IZUMO3: variants seen among roughly 807,000 people sequenced by gnomAD.
IZUMO3 encodes the protein izumo sperm-egg fusion protein 3.
IZUMO3 carries 36 observed loss-of-function variants against 28.4 expected under a neutral mutation model. The observed-to-expected ratio is 1.27, with a 90% confidence interval of 0.97 to 1.67. The LOEUF is 1.67. Ranked by LOEUF, IZUMO3 falls within the 40% of genes most tolerant of loss-of-function variation. The probability of loss-of-function intolerance (pLI) is 0.00; values close to 1 mark genes in which losing one functional copy is unlikely to be tolerated. For synonymous variants in IZUMO3, 126 were observed against 99.2 expected (o/e 1.27, Z -1.61); for missense variants, 387 against 278.5 (o/e 1.39, Z -2.77).
Position 24,545,611 on chromosome 9 carries a change from TGA to T in IZUMO3, c.37_38del (p.Ala14LeufsTer11), listed in dbSNP as rs1311550729. The T allele has an allele frequency of 6.5e-6, 10 of 1,535,354 alleles. No individual in the cohort carries two copies. In the South Asian group the frequency reaches 8.3e-5, roughly 13 times the overall value. ...AACAGCCTTTGACTCCATGGAAGGC[TGA>T]GAGGGGCAGGAGCAGGAATAACCAC... ...DLWLFLLLPL[S>X]AFHGVKGCLE... On this transcript the variant is annotated frameshift_variant, in exon 1 of 7. Transcript: ENST00000543880. LOFTEE classifies it high-confidence loss of function.
chr9:24,545,229 C>G lies in IZUMO3; in HGVS notation c.284G>C (p.Gly95Ala), dbSNP rs1225040373. The change falls in exon 2 of 7, where the codon GGC becomes GCC. Residue 95 changes from glycine to alanine, a missense_variant. Physicochemically the swap from Gly to Ala is moderately conservative, Grantham distance 60. Transcript: ENST00000543880. ...TWLKNEFYKL[G>A]NETWKGVFIY... ...TACCTCACCTTTCCATGTTTCATTG[C>G]CCAGTTTATAAAATTCATTCTTCAA... 2 of 1,549,910 alleles carry G rather than the reference C, an allele frequency of 1.3e-6. No homozygotes were observed. Among genetic ancestry groups the G allele is most frequent in the African/African-American group, 2.7e-5 (2 of 72,988 alleles).
rs751827330 is a variant in IZUMO3, at chr9:24,545,855, T to C, written c.-206A>G. ...GTTTACTGACTATTATCCTTCATTC[T>C]AGGAGAGGGAACTGCCAGCTGGGGA... On this transcript the variant is annotated 5_prime_UTR_variant, in exon 1 of 7. Coordinates refer to ENST00000543880, the MANE Select transcript of IZUMO3 (RefSeq NM_001365008.2). 2.0e-6 allele frequency: 3 copies of C among 1,528,308 alleles called. No individual in the cohort carries two copies. Among genetic ancestry groups the C allele is most frequent in the South Asian group, 2.4e-5 (2 of 82,982 alleles). 94.7% of individuals were successfully genotyped at this position (1,528,308 alleles called of 1,614,324 possible).
chr9:24,545,184 A>G, intron 2 of IZUMO3, 28 bp downstream of exon 2: 1 of 1,541,670 alleles, frequency 6.5e-7, no homozygotes, highest in Non-Finnish European at 8.8e-7. Flanking sequence ...GAGCAATACA[A>G]ACTTTTAACA....
At position 24,542,989 on chromosome 9, in the gene IZUMO3, T is replaced by C; in HGVS notation, c.*240A>G. 1 of 346,010 alleles carries C rather than the reference T, an allele frequency of 2.9e-6. No individual in the cohort carries two copies. The highest frequency in any genetic ancestry group is 5.2e-6 in the Non-Finnish European group (1 of 193,744). The allele number at this position is 346,010 out of a possible 1,614,324, so 21.4% of individuals were successfully genotyped here. A position where few individuals can be genotyped will look rare whatever the true frequency, so the allele number is the denominator to read the frequency against. ...TTATTACTATCCAGCATATTATCTTTCCTGTGCATTGCAACATACCAGCAT... is the reference window on the plus strand; with the variant it reads ...TTATTACTATCCAGCATATTATCTTCCCTGTGCATTGCAACATACCAGCAT... On this transcript the variant is annotated 3_prime_UTR_variant, in exon 7 of 7. Transcript: ENST00000543880.
At position 24,545,642 on chromosome 9, in the gene IZUMO3, T is replaced by TCACC. The variant is rs906894755; in HGVS notation, c.4_7dup (p.Asp3GlyfsTer2). 1.0e-5 allele frequency: 16 copies of TCACC among 1,534,938 alleles called. No individual in the cohort carries two copies. The highest frequency in any genetic ancestry group is 3.4e-4 in the Middle Eastern group (2 of 5,854). On this transcript the variant is annotated stop_gained and frameshift_variant, in exon 1 of 7. Coordinates refer to ENST00000543880, the MANE Select transcript of IZUMO3 (RefSeq NM_001365008.2). LOFTEE classifies it high-confidence loss of function. ...GGGCAGGAGCAGGAATAACCACAGG[T>TCACC]CACCCATTTCTTTCTTCACCCCCGC...
Position 24,545,494 on chromosome 9 carries a change from T to C in IZUMO3, c.156A>G (p.Glu52=), listed in dbSNP as rs1282911222. 6.5e-7 allele frequency: 1 copy of C among 1,535,490 alleles called. No homozygotes were observed. The highest frequency in any genetic ancestry group is 8.7e-7 in the Non-Finnish European group (1 of 1,146,698). The change falls in exon 1 of 7, where the codon GAA becomes GAG. Residue 52 remains glutamate (E), a synonymous_variant. Coordinates refer to ENST00000543880, the MANE Select transcript of IZUMO3 (RefSeq NM_001365008.2). The part of the protein sequence containing the change: ...SEVPGRTQLL[E]RQIKEMIHLS... ...AATGAATCATCTCCTTAATCTGCCG[T>C]TCAAGCAGCTGAGTTCGGCCGGGGA...
At chr9:24,545,181 A>G (rs1819562306) in intron 2 of IZUMO3, 31 bp downstream of exon 2, 1 of 1,538,720 alleles carries the variant, frequency 6.5e-7, no homozygotes, top group Non-Finnish European at 8.8e-7. Flanking sequence ...CTTGAGCAAT[A>G]CAAACTTTTA....
chr9:24,545,701 A>G lies in IZUMO3; in HGVS notation c.-52T>C. 1 of 1,534,174 alleles carries G rather than the reference A, an allele frequency of 6.5e-7. No homozygotes were observed. The highest frequency in any genetic ancestry group is 2.0e-5 in the Admixed American group (1 of 50,804). On this transcript the variant is annotated 5_prime_UTR_variant, in exon 1 of 7. An upstream open reading frame in the 5' UTR loses its in-frame stop. Transcript: ENST00000543880. ...AGCAGGTTGTCCTGGCAACTAGTTC[A>G]CTTAGTTCCTTTTCCTTCAAAAATC...
At chr9:24,544,164 C>G in intron 5 of IZUMO3, 37 bp downstream of exon 5, 4 of 1,396,034 alleles carry the variant, frequency 2.9e-6, no homozygotes, top group Non-Finnish European at 4.0e-6. Flanking sequence ...TCCTTAATCC[C>G]TGTCCCTTCA....
intron 5 of IZUMO3, 43 bp from the exon 6 acceptor site, chr9:24,543,797 A>C (rs1000563755): frequency 7.2e-6 from 9 of 1,256,626 alleles, no homozygotes; most frequent in Non-Finnish European, 1.0e-5. Context: ...GTTTTGGAGA[A>C]GAGAAATAGC....
rs1465307448 is a variant in IZUMO3, at chr9:24,544,957, G to A, written c.391+15C>T. On this transcript the variant is annotated intron_variant, in intron 3 of 6. Transcript: ENST00000543880. ...CATATAACTTCAGTGCTGTTATATAGAAAGTTTTACTTACCAATTTCAGAG... is the reference window on the plus strand; with the variant it reads ...CATATAACTTCAGTGCTGTTATATAAAAAGTTTTACTTACCAATTTCAGAG... 3 of 1,523,898 alleles carry A rather than the reference G, an allele frequency of 2.0e-6. No homozygotes were observed. Among genetic ancestry groups the A allele is most frequent in the Non-Finnish European group, 2.7e-6 (3 of 1,122,934 alleles). 94.4% of individuals were successfully genotyped at this position (1,523,898 alleles called of 1,614,324 possible).
chr9:24,543,791 T>G, intron 5 of IZUMO3, 37 bp from the exon 6 acceptor site: 7 of 1,340,274 alleles, frequency 5.2e-6, no homozygotes, highest in Non-Finnish European at 7.3e-6. Flanking sequence ...AAGTGAGTTT[T>G]GGAGAAGAGA....
intron 5 of IZUMO3, 121 bp from the exon 6 acceptor site, chr9:24,543,875 G>C (rs983075809): frequency 1.0e-4 from 70 of 677,000 alleles, no homozygotes; most frequent in African/African-American, 8.5e-4. Flanking sequence ...CTTCATCACT[G>C]TTCCATGCTT....
intron 4 of IZUMO3, 128 bp downstream of exon 4, chr9:24,544,615 C>T: frequency 1.3e-6 from 1 of 788,634 alleles, no homozygotes; most frequent in Non-Finnish European, 2.1e-6. Flanking sequence ...GTTGACGTTA[C>T]CCCTTGTAAC....
At position 24,544,168 on chromosome 9, in the gene IZUMO3, C is replaced by T. The variant is rs1477626325; in HGVS notation, c.490+33G>A. On this transcript the variant is annotated intron_variant, in intron 5 of 6. Transcript: ENST00000543880. ...AGCAACCCTGCTCCTTAATCCCTGT[C>T]CCTTCAAAATTCCATACCATGATCT... 7 of 1,419,358 alleles carry T rather than the reference C, an allele frequency of 4.9e-6. No individual in the cohort carries two copies. The Admixed American group carries it at 1.4e-4, about 28-fold the overall frequency. 87.9% of individuals were successfully genotyped at this position (1,419,358 alleles called of 1,614,324 possible). A position where few individuals can be genotyped will look rare whatever the true frequency, so the allele number is the denominator to read the frequency against.
chr9:24,544,985 G>T lies in IZUMO3; in HGVS notation c.378C>A (p.Asn126Lys), dbSNP rs566872748. 6.5e-7 allele frequency: 1 copy of T among 1,549,254 alleles called. No homozygotes were observed. Among genetic ancestry groups the T allele is most frequent in the Non-Finnish European group, 8.7e-7 (1 of 1,145,656 alleles). The stretch of plus-strand genomic sequence containing the variant: ...AGTTTTACTTACCAATTTCAGAGAA[G>T]TTCTTTAGTAATTCTTTCAGTTTGG... ...LESKLKELLK[N>K]FSEIACSEDC... Residue 126 changes from asparagine to lysine, a missense_variant, in exon 3 of 7, where the codon AAC becomes AAA. By Grantham distance (94) the Asn-to-Lys change is moderately conservative. Coordinates refer to ENST00000543880, the MANE Select transcript of IZUMO3 (RefSeq NM_001365008.2).
At position 24,545,691 on chromosome 9, in the gene IZUMO3, C is replaced by A; in HGVS notation, c.-42G>T. 18 of 1,534,856 alleles carry A rather than the reference C, an allele frequency of 1.2e-5. No individual in the cohort carries two copies. Among genetic ancestry groups the A allele is most frequent in the Non-Finnish European group, 1.5e-5 (17 of 1,146,122 alleles). On this transcript the variant is annotated 5_prime_UTR_variant, in exon 1 of 7. Transcript: ENST00000543880. ...GCTCCCCGACAGCAGGTTGTCCTGG[C>A]AACTAGTTCACTTAGTTCCTTTTCC...
chr9:24,545,414 C>G lies in IZUMO3; in HGVS notation c.226+10G>C. 6.5e-7 allele frequency: 1 copy of G among 1,542,016 alleles called. No individual in the cohort carries two copies. The highest frequency in any genetic ancestry group is 8.7e-7 in the Non-Finnish European group (1 of 1,146,826). On this transcript the variant is annotated intron_variant, in intron 1 of 6. Transcript: ENST00000543880. The stretch of plus-strand genomic sequence containing the variant: ...GCCCCTGGACTCTCAGGAACTCAAG[C>G]TTCCCTCACCCAACACCCGAAGCCT...
At chr9:24,544,873 C>T in intron 3 of IZUMO3, 99 bp downstream of exon 3, 1 of 1,327,498 alleles carries the variant, frequency 7.5e-7, no homozygotes, top group Non-Finnish European at 1.1e-6. Flanking sequence ...TCCACCCATT[C>T]TAAATAACTC....
Sources: gnomAD v4.1 joint callset for allele counts on GRCh38, gnomAD v4.1.1 for gene constraint, MANE v1.5 for transcripts, NCBI Gene and HGNC (gene_info 2026-07-23, HGNC 2026-07-21) for gene names.